RAG1: variants seen among roughly 807,000 people sequenced by gnomAD.
The protein encoded by RAG1 is V(D)J recombination-activating protein 1.
In RAG1, 35 loss-of-function variants were observed where a neutral mutation model predicts 62.7. The observed-to-expected ratio is 0.56, with a 90% CI of 0.43 to 0.74. The LOEUF is 0.74. RAG1 is among the 30% of genes least tolerant of loss of function. RAG1 has a pLI of 0.00. For missense variants in RAG1, 1,169 were observed against 1,278.6 expected (o/e 0.91, Z 1.31); for synonymous variants, 461 against 470.3 (o/e 0.98, Z 0.26).
At chr11:36,534,555 A>G (rs1274295921) in intron 2 of RAG1, among the ~76,000 whole-genome samples, 10 of 152,334 alleles carry the variant, frequency 6.6e-5, no homozygotes, top group East Asian at 1.9e-4. Context: ...TGCCATGGCA[A>G]TCCTCACTTC....
chr11:36,514,476 G>C (rs1481248030), intron 1 of RAG1, among the ~76,000 whole-genome samples: 1 of 152,170 alleles, frequency 6.6e-6, no homozygotes, highest in Non-Finnish European at 1.5e-5. Flanking sequence ...GTTTTGGGTT[G>C]ATTCAAGTGC....
chr11:36,535,150 T>A (rs969813475), intron 2 of RAG1, among the ~76,000 whole-genome samples: 1 of 152,136 alleles, frequency 6.6e-6, no homozygotes, highest in African/African-American at 2.4e-5. Context: ...TGGCATTTTT[T>A]AAAAATAGGG....
At chr11:36,513,656 G>T (rs1203318261) in intron 1 of RAG1, among the ~76,000 whole-genome samples, 1 of 152,202 alleles carries the variant, frequency 6.6e-6, no homozygotes, top group African/African-American at 2.4e-5. Flanking sequence ...TAAAGTAAAA[G>T]AGGTTTAATG....
chr11:36,512,173 C>T (rs533095154), intron 1 of RAG1, among the ~76,000 whole-genome samples: 27 of 152,286 alleles, frequency 1.8e-4, no homozygotes, highest in Admixed American at 2.6e-4. Flanking sequence ...GGCAGGGCCA[C>T]GTGACTAGTT....
chr11:36,512,034 A>G (rs1014505392), intron 1 of RAG1, among the ~76,000 whole-genome samples: 1 of 152,216 alleles, frequency 6.6e-6, no homozygotes, highest in Non-Finnish European at 1.5e-5. Flanking sequence ...CATTGTTTTC[A>G]TAAGTGCCCT....
intron 1 of RAG1, among the ~76,000 whole-genome samples, chr11:36,517,892 G>C (rs938875181): frequency 6.6e-6 from 1 of 151,796 alleles, no homozygotes; most frequent in Non-Finnish European, 1.5e-5. Context: ...CAACGTGCAG[G>C]TTTGTTACAT....
At chr11:36,541,506 G>A (rs1860417280) in intron 3 of RAG1, among the ~76,000 whole-genome samples, 2 of 152,076 alleles carry the variant, frequency 1.3e-5, no homozygotes, top group South Asian at 4.2e-4. Context: ...GTGCTGGTAG[G>A]CCTTTTGACA....
chr11:36,516,325 T>C (rs569620917), intron 1 of RAG1, among the ~76,000 whole-genome samples: 5 of 152,310 alleles, frequency 3.3e-5, no homozygotes, highest in African/African-American at 1.2e-4. Flanking sequence ...TGTTTGTTGG[T>C]TTGTTTGTTT....
chr11:36,510,901 T>C (rs775240656), exon 1 of RAG1: 3 of 152,164 alleles, frequency 2.0e-5, no homozygotes, highest in African/African-American at 7.2e-5. Flanking sequence ...CACAAAAGAG[T>C]TTCATCCACC....
At chr11:36,527,957 T>C (rs1860190703) in intron 2 of RAG1, among the ~76,000 whole-genome samples, 1 of 152,122 alleles carries the variant, frequency 6.6e-6, no homozygotes, top group Non-Finnish European at 1.5e-5. Context: ...GCTTATCAGC[T>C]TAAGGAGATT....
chr11:36,526,933 C>A (rs1393121827), intron 2 of RAG1, among the ~76,000 whole-genome samples: 1 of 151,814 alleles, frequency 6.6e-6, no homozygotes, highest in Non-Finnish European at 1.5e-5. Context: ...GGGGTTGTTT[C>A]TCTTTTTTCT....
intron 3 of RAG1, among the ~76,000 whole-genome samples, chr11:36,557,482 G>C (rs866986666): frequency 6.8e-6 from 1 of 147,190 alleles, no homozygotes; most frequent in Admixed American, 6.7e-5. Flanking sequence ...CGCACGGTGC[G>C]CGCACACACT....
At chr11:36,551,370 A>C (rs1850478980) in intron 3 of RAG1, among the ~76,000 whole-genome samples, 1 of 152,122 alleles carries the variant, frequency 6.6e-6, no homozygotes, top group African/African-American at 2.4e-5. Flanking sequence ...AGGTAGCTTA[A>C]ACAACCAACG....
Position 36,574,903 on chromosome 11 carries a change from T to C in RAG1, c.1599T>C (p.Thr533=). 1 of 1,614,240 alleles carries C rather than the reference T, an allele frequency of 6.2e-7. No homozygotes were observed. Among genetic ancestry groups the C allele is most frequent in the Non-Finnish European group, 8.5e-7 (1 of 1,180,046 alleles). Residue 533 remains threonine (T), a synonymous_variant, in exon 2 of 2, where the codon ACT becomes ACC. Coordinates refer to ENST00000299440, the MANE Select transcript of RAG1 (RefSeq NM_000448.3). ...QPPLKNVSSS[T]DVGIIDGLSG... is the part of the protein sequence containing the mutation. The stretch of plus-strand genomic sequence containing the variant: ...CTCTGAAGAATGTGTCTTCCAGCAC[T>C]GATGTTGGCATTATTGATGGGCTGT...
intron 1 of RAG1, among the ~76,000 whole-genome samples, chr11:36,517,440 A>G (rs1860011194): frequency 6.6e-6 from 1 of 152,222 alleles, no homozygotes; most frequent in African/African-American, 2.4e-5. Flanking sequence ...GAGCAGAGTC[A>G]GCCTACAATG....
At chr11:36,570,458 T>TA (rs1298534635) in intron 1 of RAG1, among the ~76,000 whole-genome samples, 2 of 152,106 alleles carry the variant, frequency 1.3e-5, no homozygotes, top group Non-Finnish European at 2.9e-5. Context: ...CAAGTAAGGA[T>TA]AAAAAATAGT....
intron 3 of RAG1, among the ~76,000 whole-genome samples, chr11:36,548,984 C>G (rs1414805135): frequency 2.6e-5 from 4 of 152,178 alleles, no homozygotes; most frequent in Non-Finnish European, 5.9e-5. Context: ...CTGCAACCAT[C>G]TGATCTTTGA....
Position 36,575,503 on chromosome 11 carries a change from T to A in RAG1, c.2199T>A (p.Cys733Ter), listed in dbSNP as rs1850830824. 6.2e-7 allele frequency: 1 copy of A among 1,614,246 alleles called. No homozygotes were observed. Among genetic ancestry groups the A allele is most frequent in the Non-Finnish European group, 8.5e-7 (1 of 1,180,046 alleles). Residue 733 changes from cysteine to a stop codon, truncating the protein, a stop_gained, in exon 2 of 2, where the codon TGT becomes TGA. Transcript: ENST00000299440. LOFTEE classifies it high-confidence loss of function. This position sits in a 1 kb window ranked among gnomAD's most constrained non-coding sequence, Gnocchi z 4.1. ...GCTCAGTCTACATTTGTACTCTTTG[T>A]GATGCCACCCGTCTGGAAGCCTCTC... ...ASGSVYICTL[C>*]DATRLEASQN... is the part of the protein sequence containing the mutation.
intron 3 of RAG1, among the ~76,000 whole-genome samples, chr11:36,549,767 TA>T (rs1354513386): frequency 1.1e-4 from 16 of 152,200 alleles, no homozygotes; most frequent in Non-Finnish European, 2.2e-4. Context: ...TTACTGAGTA[TA>T]TGCCCAAAGG....
Sources: gnomAD v4.1 joint callset for allele counts (sites outside exome capture counted in the v4.1 genomes callset) on GRCh38, gnomAD v4.1.1 for gene constraint, Gnocchi (gnomAD v3.1) non-coding constraint, MANE v1.5 for transcripts, NCBI Gene and HGNC (gene_info 2026-07-23, HGNC 2026-07-21) for gene names.